ZNF521: variants seen among roughly 807,000 people sequenced by gnomAD.
The protein encoded by ZNF521 is zinc finger protein 521.
In ZNF521, 14 loss-of-function variants were observed where a neutral mutation model predicts 105.5. The observed-to-expected ratio is 0.13, with a 90% CI of 0.09 to 0.21. The LOEUF (loss-of-function observed/expected upper bound fraction) is 0.21, where lower values mean the gene tolerates loss of function less well. ZNF521 is among the 10% of genes least tolerant of loss of function. The pLI is 1.00. For synonymous variants in ZNF521, 635 were observed against 606.0 expected (o/e 1.05, Z -0.70); for missense variants, 1,233 against 1,629.7 (o/e 0.76, Z 4.19).
chr18:25,074,756 C>G (rs1389848225), intron 7 of ZNF521, among the ~76,000 whole-genome samples: 3 of 152,106 alleles, frequency 2.0e-5, no homozygotes, highest in African/African-American at 7.2e-5. Flanking sequence ...CGTGAAGTTC[C>G]CATTCTCCTC....
At chr18:25,170,014 A>G (rs2035419029) in intron 5 of ZNF521, among the ~76,000 whole-genome samples, 1 of 152,184 alleles carries the variant, frequency 6.6e-6, no homozygotes, top group Non-Finnish European at 1.5e-5. Context: ...TTCTTTCCCA[A>G]TAAACATTAT....
intron 5 of ZNF521, among the ~76,000 whole-genome samples, chr18:25,193,866 T>C (rs1390276060): frequency 3.9e-5 from 6 of 151,974 alleles, no homozygotes; most frequent in Non-Finnish European, 8.8e-5. Flanking sequence ...CTGTTATGTA[T>C]AAGTTCCATT....
chr18:25,282,512 G>A (rs911050841), intron 3 of ZNF521, among the ~76,000 whole-genome samples: 1 of 152,074 alleles, frequency 6.6e-6, no homozygotes, highest in Admixed American at 6.6e-5. Flanking sequence ...CACTCCATCC[G>A]GCTGGCCAAG....
At chr18:25,097,313 G>C (rs759293631) in intron 5 of ZNF521, among the ~76,000 whole-genome samples, 97 of 152,082 alleles carry the variant, frequency 6.4e-4, no homozygotes, top group Non-Finnish European at 1.3e-3. Context: ...AACACACTGT[G>C]GTGCTAATTT....
intron 7 of ZNF521, among the ~76,000 whole-genome samples, chr18:25,080,063 T>A (rs1373309745): frequency 6.6e-6 from 1 of 152,196 alleles, no homozygotes; most frequent in Non-Finnish European, 1.5e-5. Context: ...GGAGCTGCTA[T>A]CAAGGCAGGG....
At chr18:25,272,891 C>T (rs1249087072) in intron 3 of ZNF521, among the ~76,000 whole-genome samples, 1 of 151,330 alleles carries the variant, frequency 6.6e-6, no homozygotes, top group Non-Finnish European at 1.5e-5. Context: ...GCACATGTAC[C>T]CCAGAACTTA....
intron 3 of ZNF521, among the ~76,000 whole-genome samples, chr18:25,275,828 C>T (rs2144964811): frequency 6.6e-6 from 1 of 152,208 alleles, no homozygotes; most frequent in South Asian, 2.1e-4. Flanking sequence ...TGCAGCTGTG[C>T]CCTTCCCCTT....
chr18:25,081,496 T>C (rs1454803998), intron 7 of ZNF521, among the ~76,000 whole-genome samples: 3 of 152,172 alleles, frequency 2.0e-5, no homozygotes, highest in South Asian at 2.1e-4. Context: ...ACTTCAGTCA[T>C]ATTAACCACT....
At chr18:25,300,069 C>G (rs1288312350) in intron 3 of ZNF521, among the ~76,000 whole-genome samples, 1 of 152,184 alleles carries the variant, frequency 6.6e-6, no homozygotes, top group African/African-American at 2.4e-5. Context: ...GAGACTGCAA[C>G]TTAGACCCTG....
intron 3 of ZNF521, among the ~76,000 whole-genome samples, chr18:25,307,018 C>A (rs1391628439): frequency 6.6e-6 from 1 of 152,120 alleles, no homozygotes; most frequent in Non-Finnish European, 1.5e-5. Context: ...CTTTATTTTT[C>A]CTAGTATCGA....
At chr18:25,188,628 A>G (rs2144615365) in intron 5 of ZNF521, among the ~76,000 whole-genome samples, 1 of 152,292 alleles carries the variant, frequency 6.6e-6, no homozygotes, top group Middle Eastern at 3.4e-3. Context: ...TGAGTGAAAA[A>G]CCGATACATT....
At chr18:25,210,098 G>A (rs1424852172) in intron 4 of ZNF521, among the ~76,000 whole-genome samples, 3 of 151,892 alleles carry the variant, frequency 2.0e-5, no homozygotes, top group African/African-American at 7.2e-5. Context: ...ACATAATAGG[G>A]GTATGTGTAG....
intron 3 of ZNF521, among the ~76,000 whole-genome samples, chr18:25,234,481 T>C (rs1232093546): frequency 6.6e-6 from 1 of 152,200 alleles, no homozygotes; most frequent in Non-Finnish European, 1.5e-5. Context: ...GCACCTACTA[T>C]GTGTTCAGGT....
chr18:25,088,252 G>T (rs1243450789), intron 7 of ZNF521, among the ~76,000 whole-genome samples: 1 of 149,724 alleles, frequency 6.7e-6, no homozygotes, highest in Non-Finnish European at 1.5e-5. Context: ...GTCTCGCTCT[G>T]TTGCCCAGGC....
intron 5 of ZNF521, among the ~76,000 whole-genome samples, chr18:25,165,047 C>T (rs1467666378): frequency 1.3e-5 from 2 of 152,324 alleles, no homozygotes; most frequent in East Asian, 3.9e-4. Context: ...ACCAGTTTCA[C>T]TTTCAAACAT....
intron 2 of ZNF521, among the ~76,000 whole-genome samples, chr18:25,334,207 T>C (rs111296881): frequency 8.2e-4 from 3 of 3,668 alleles, no homozygotes; most frequent in Non-Finnish European, 1.1e-3. Context: ...TGCTACCATA[T>C]TTTTCTTGGA....
At chr18:25,261,207 G>C (rs1386965352) in intron 3 of ZNF521, among the ~76,000 whole-genome samples, 1 of 152,084 alleles carries the variant, frequency 6.6e-6, no homozygotes, top group African/African-American at 2.4e-5. Context: ...GAGACTCTGG[G>C]GGCAAGTGAG....
intron 5 of ZNF521, among the ~76,000 whole-genome samples, chr18:25,093,581 A>G (rs1481933847): frequency 6.6e-6 from 1 of 152,182 alleles, no homozygotes; most frequent in East Asian, 1.9e-4. Flanking sequence ...TTGTATTCCT[A>G]ATCTTTCTTC....
At chr18:25,093,932 G>C (rs2033800968) in intron 5 of ZNF521, among the ~76,000 whole-genome samples, 2 of 152,044 alleles carry the variant, frequency 1.3e-5, no homozygotes, top group African/African-American at 4.8e-5. Context: ...AAATTGGATT[G>C]GCAAGTGCAT....
Sources: allele counts gnomAD v4.1 joint callset (sites outside exome capture counted in the v4.1 genomes callset), GRCh38; gene constraint gnomAD v4.1.1; transcripts MANE v1.5; gene names NCBI Gene and HGNC (gene_info 2026-07-23, HGNC 2026-07-21).